The following IDI2 variants were observed in gnomAD, a reference collection of about 807,000 sequenced individuals.
IDI2 encodes the protein isopentenyl-diphosphate delta isomerase 2.
IDI2 carries 18 observed loss-of-function variants against 14.8 expected under a neutral mutation model. The observed-to-expected ratio is 1.22, with a 90% confidence interval of 0.84 to 1.80. IDI2 has a LOEUF of 1.80. Ranked by LOEUF, IDI2 falls within the 40% of genes most tolerant of loss-of-function variation. IDI2 has a pLI of 0.00. For synonymous variants in IDI2, 133 were observed against 109.6 expected (o/e 1.21, Z -1.33); for missense variants, 316 against 283.2 (o/e 1.12, Z -0.83).
chr10:1,025,541 C>CAAA (rs34925490), intron 1 of IDI2, among the ~76,000 whole-genome samples: 1 of 103,822 alleles, frequency 9.6e-6, no homozygotes, highest in Non-Finnish European at 2.0e-5. Flanking sequence ...GACTCTGTCT[C>CAAA]AAAAAAAAAA....
intron 4 of IDI2, among the ~76,000 whole-genome samples, chr10:1,020,182 A>C (rs148066585): frequency 2.0e-5 from 3 of 151,672 alleles, no homozygotes; most frequent in African/African-American, 7.3e-5. Flanking sequence ...AAGGTAACAC[A>C]TGCTCACAGG....
intron 3 of IDI2, 60 bp downstream of exon 3, chr10:1,022,623 C>A (rs1416952419): frequency 1.6e-6 from 2 of 1,278,848 alleles, no homozygotes; most frequent in East Asian, 4.6e-5. Context: ...GTCCCAGATT[C>A]CTCCGGTCAA....
Position 1,024,764 on chromosome 10 carries a change from A to G in IDI2, c.-21-20T>C, listed in dbSNP as rs1392654731. 5.0e-6 allele frequency: 8 copies of G among 1,611,136 alleles called. No individual in the cohort carries two copies. The highest frequency in any genetic ancestry group is 6.8e-6 in the Non-Finnish European group (8 of 1,178,610). Reference sequence around the variant, plus strand: ...CCCGACCTGAAATAGATGCACACAAATGCCTCTTTATGTGAAAGATATTGC... The same window carrying G: ...CCCGACCTGAAATAGATGCACACAAGTGCCTCTTTATGTGAAAGATATTGC... On this transcript the variant is annotated intron_variant, in intron 1 of 4. Transcript: ENST00000277517.
In IDI2 at chr10:1,019,806, G is replaced by T; in HGVS notation, c.395C>A (p.Thr132Lys). The T allele has an allele frequency of 6.2e-7, 1 of 1,613,972 alleles. No individual in the cohort carries two copies. Among genetic ancestry groups the T allele is most frequent in the South Asian group, 1.1e-5 (1 of 91,078 alleles). Residue 132 changes from threonine to lysine, a missense_variant, in exon 5 of 5, where the codon ACA becomes AAA. Transcript: ENST00000277517. The part of the protein sequence containing the change: ...QISPEDIVFM[T>K]IYHHKAKSDR... ...TGATTTTGCCTTGTGGTGATAGATT[G>T]TCATGAACACAATGTCCTCTGGAGA... is the stretch of plus-strand genomic sequence containing the variant.
intron 3 of IDI2, among the ~76,000 whole-genome samples, chr10:1,021,906 G>C (rs989761628): frequency 5.3e-5 from 8 of 152,162 alleles, no homozygotes; most frequent in African/African-American, 1.9e-4. Flanking sequence ...GAAAATTTGA[G>C]GACAGCCTAG....
In IDI2 at chr10:1,022,777, T is replaced by C; in HGVS notation, c.143-2A>G. The C allele has an allele frequency of 2.5e-6, 4 of 1,612,510 alleles. No homozygotes were observed. Among genetic ancestry groups the C allele is most frequent in the Non-Finnish European group, 3.4e-6 (4 of 1,178,578 alleles). ...CGCTGAAGGCTCGGTGCAGCAGCCC[T>C]GCAAAGGTAAGTGCCATTTGTGTGA... On this transcript the variant is annotated splice_acceptor_variant, in intron 2 of 4. Transcript: ENST00000277517. LOFTEE classifies it high-confidence loss of function.
Position 1,019,457 on chromosome 10 carries a change from C to T in IDI2, c.*60G>A. On this transcript the variant is annotated 3_prime_UTR_variant, in exon 5 of 5. Coordinates refer to ENST00000277517, the MANE Select transcript of IDI2 (RefSeq NM_033261.3). ...TTTTGGAGAGGGTGTATCATTGCCT[C>T]AATGGTGCGTCTGCCTGCACTGAGG... is the stretch of plus-strand genomic sequence containing the variant. The T allele has an allele frequency of 7.2e-7, 1 of 1,392,318 alleles. No individual in the cohort carries two copies. The highest frequency in any genetic ancestry group is 1.4e-5 in the African/African-American group (1 of 69,644). 86.2% of individuals were successfully genotyped at this position (1,392,318 alleles called of 1,614,324 possible).
At position 1,020,904 on chromosome 10, in the gene IDI2, A is replaced by G. The variant is rs1479555591; in HGVS notation, c.236-7T>C. 5.0e-6 allele frequency: 8 copies of G among 1,607,560 alleles called. No homozygotes were observed. The highest frequency in any genetic ancestry group is 5.9e-6 in the Non-Finnish European group (7 of 1,177,910). ...CAGGAGTCGGTAAAATACCCTGGAAAAAATGCATGTGGGAACATCCCTCTT... is the reference window on the plus strand; with the variant it reads ...CAGGAGTCGGTAAAATACCCTGGAAGAAATGCATGTGGGAACATCCCTCTT... On this transcript the variant is annotated splice_region_variant and splice_polypyrimidine_tract_variant and intron_variant, in intron 3 of 4. Transcript: ENST00000277517.
rs150982335 is a variant in IDI2 at position 1,024,590 on chromosome 10, A to G, written c.134T>C (p.Ile45Thr). Residue 45 changes from isoleucine (I) to threonine (T), a missense_variant, in exon 2 of 5, where the codon ATT becomes ACT. Physicochemically the swap from Ile to Thr is moderately conservative, Grantham distance 89. Transcript: ENST00000277517. ...AAATGGGCGGGGGCTACCTTTCTCA[A>G]TGTTTTCGTTCAGATGGCAATTCCT... Reference protein sequence around the residue: ...TKRNCHLNENIEKGLLHRAFS... With the variant: ...TKRNCHLNENTEKGLLHRAFS... 28 of 1,614,030 alleles carry G rather than the reference A, an allele frequency of 1.7e-5. No homozygotes were observed. The East Asian group carries it at 5.3e-4, about 31-fold the overall frequency.
intron 2 of IDI2, among the ~76,000 whole-genome samples, chr10:1,023,130 T>A (rs12241632): frequency 0.097 from 14,714 of 151,842 alleles, 766 homozygotes; most frequent in African/African-American, 0.13. Context: ...GTTTGAAGGG[T>A]TGAAAACATG....
In IDI2 at chr10:1,019,811, G is replaced by C; in HGVS notation, c.390C>G (p.Phe130Leu). Residue 130 changes from phenylalanine (F) to leucine (L), a missense_variant, in exon 5 of 5, where the codon TTC becomes TTG. Transcript: ENST00000277517. ...GEQISPEDIV[F>L]MTIYHHKAKS... ...TTGCCTTGTGGTGATAGATTGTCATGAACACAATGTCCTCTGGAGAAATCT... is the reference window on the plus strand; with the variant it reads ...TTGCCTTGTGGTGATAGATTGTCATCAACACAATGTCCTCTGGAGAAATCT... The C allele has an allele frequency of 1.9e-6, 3 of 1,613,754 alleles. No homozygotes were observed. Among genetic ancestry groups the C allele is most frequent in the Non-Finnish European group, 2.5e-6 (3 of 1,179,680 alleles).
intron 1 of IDI2, 63 bp from the exon 2 acceptor site, chr10:1,024,807 G>C: frequency 6.5e-7 from 1 of 1,535,048 alleles, no homozygotes; most frequent in South Asian, 1.2e-5. Flanking sequence ...TTTTTGCTAT[G>C]TGTTACCAAC....
chr10:1,024,047 A>G (rs1329993563), intron 2 of IDI2, among the ~76,000 whole-genome samples: 1 of 152,276 alleles, frequency 6.6e-6, no homozygotes, highest in Non-Finnish European at 1.5e-5. Context: ...GAGTTAAAGC[A>G]GGAAAGTCTG....
In IDI2 at chr10:1,020,835, C is replaced by T. The variant is rs151186586; in HGVS notation, c.298G>A (p.Asp100Asn). The change falls in exon 4 of 5, where the codon GAT becomes AAT. Residue 100 changes from aspartate to asparagine, a missense_variant. Coordinates refer to ENST00000277517, the MANE Select transcript of IDI2 (RefSeq NM_033261.3). ...GCTGCCCTCCTCACTCCGATGGCAT[C>T]CTTTTCTTCCAGTTCTGCTGGGTTG... ...LYNPAELEEK[D>N]AIGVRRAAQR... The T allele has an allele frequency of 5.0e-6, 8 of 1,614,020 alleles. No homozygotes were observed. The highest frequency in any genetic ancestry group is 6.8e-6 in the Non-Finnish European group (8 of 1,179,964).
chr10:1,024,881 T>C, intron 1 of IDI2, 137 bp from the exon 2 acceptor site: 1 of 782,824 alleles, frequency 1.3e-6, no homozygotes, highest in African/African-American at 1.7e-5. Context: ...GCAGCACAGT[T>C]CTGAGATATG....
At chr10:1,021,016 G>A in intron 3 of IDI2, 119 bp from the exon 4 acceptor site, 1 of 1,150,868 alleles carries the variant, frequency 8.7e-7, no homozygotes, top group Non-Finnish European at 1.2e-6. Flanking sequence ...CAGCCTGGCG[G>A]GGGGAGTGGG....
intron 4 of IDI2, 137 bp from the exon 5 acceptor site, chr10:1,019,971 C>G (rs1832063040): frequency 4.1e-6 from 3 of 735,542 alleles, no homozygotes; most frequent in Non-Finnish European, 6.7e-6. Flanking sequence ...TCCAAAACCT[C>G]GATTTTAGCT....
At chr10:1,022,550 C>T (rs984222789) in intron 3 of IDI2, 133 bp downstream of exon 3, 3 of 697,304 alleles carry the variant, frequency 4.3e-6, no homozygotes, top group South Asian at 3.2e-5. Context: ...CCTAAGCTGC[C>T]GATTTTCTGC....
At chr10:1,024,526 G>C in intron 2 of IDI2, 56 bp downstream of exon 2, 1 of 1,594,754 alleles carries the variant, frequency 6.3e-7, no homozygotes, top group South Asian at 1.1e-5. Flanking sequence ...GTTGCCGTCG[G>C]GTGGGAAAAA....
Sources: allele counts gnomAD v4.1 joint callset (sites outside exome capture counted in the v4.1 genomes callset), GRCh38; gene constraint gnomAD v4.1.1; transcripts MANE v1.5; gene names NCBI Gene and HGNC (gene_info 2026-07-23, HGNC 2026-07-21).